Variants in PDE4D observed in about 807,000 individuals in gnomAD.
PDE4D encodes the protein phosphodiesterase 4D, also known as 3',5'-cyclic-AMP phosphodiesterase 4D.
A neutral mutation model predicts 87.4 loss-of-function variants in PDE4D; 24 were observed. That is an observed-to-expected ratio of 0.27 (90% CI 0.20 to 0.39). The LOEUF is 0.39. PDE4D is among the 10% of genes least tolerant of loss of function. The pLI, the probability that PDE4D is intolerant of heterozygous loss-of-function variation, is 1.00. For missense variants in PDE4D, 714 were observed against 1,041.0 expected, an observed-to-expected ratio of 0.69 and a Z score of 4.32; for synonymous variants, 384 against 383.2, an observed-to-expected ratio of 1.00 and a Z score of -0.02.
intron 1 of PDE4D, among the ~76,000 whole-genome samples, chr5:60,444,622 G>T (rs1173727921): frequency 2.0e-5 from 3 of 152,046 alleles, no homozygotes; most frequent in Non-Finnish European, 2.9e-5. Flanking sequence ...GATGGGCGAG[G>T]TATGTGTGGG....
chr5:59,360,784 G>A (rs1782084621), intron 1 of PDE4D, among the ~76,000 whole-genome samples: 1 of 151,990 alleles, frequency 6.6e-6, no homozygotes, highest in African/African-American at 2.4e-5. Flanking sequence ...TTAAGACTTG[G>A]CAACAGTAAA....
intron 1 of PDE4D, among the ~76,000 whole-genome samples, chr5:59,327,993 A>G (rs772838134): frequency 6.6e-6 from 1 of 152,232 alleles, no homozygotes; most frequent in African/African-American, 2.4e-5. Context: ...TGTATTTTAT[A>G]CAAAATTATC....
At chr5:59,253,948 C>G (rs1760474079) in intron 1 of PDE4D, among the ~76,000 whole-genome samples, 1 of 152,068 alleles carries the variant, frequency 6.6e-6, no homozygotes, top group African/African-American at 2.4e-5. Context: ...TCTTTCCTAT[C>G]ATTTAATAAG....
At chr5:58,992,979 G>A (rs549269516) in intron 7 of PDE4D, among the ~76,000 whole-genome samples, 20 of 152,102 alleles carry the variant, frequency 1.3e-4, no homozygotes, top group Admixed American at 2.0e-4. Context: ...TACACAAGAC[G>A]GTAAATTCAT....
intron 3 of PDE4D, among the ~76,000 whole-genome samples, chr5:59,945,979 C>G (rs1028834472): frequency 6.6e-6 from 1 of 152,180 alleles, no homozygotes; most frequent in Non-Finnish European, 1.5e-5. Context: ...ACCACCTAAT[C>G]ACTATAGAAT....
Position 59,348,338 on chromosome 5 carries a change from T to C in PDE4D, c.456-132370A>G, listed in dbSNP as rs2153585327. Among the ~76,000 whole-genome samples, 3 of 152,278 alleles carry C rather than the reference T, an allele frequency of 2.0e-5. 1 individual carries two copies. In the South Asian group the frequency reaches 6.2e-4, roughly 32 times the overall value. On this transcript the variant is annotated intron_variant, in intron 1 of 14. Transcript: ENST00000340635. ...CACTGTATAGAGTACTATGTCTATG[T>C]ATCTCTTGCCAACTCCACATTTAGT...
At chr5:59,128,093 A>G (rs7707404) in intron 5 of PDE4D, among the ~76,000 whole-genome samples, 1,614 of 146,630 alleles carry the variant, frequency 0.011, 25 homozygotes, top group African/African-American at 0.038. Flanking sequence ...GCTGCTTCTG[A>G]TTATTCTTCA....
intron 1 of PDE4D, among the ~76,000 whole-genome samples, chr5:59,502,663 A>AGTGTGTGTGTGT (rs56100725): frequency 6.7e-5 from 9 of 135,174 alleles, no homozygotes; most frequent in Non-Finnish European, 7.9e-5. Context: ...TCCTTAAGGT[A>AGTGTGTGTGTGT]GTGTGTGTGT....
intron 1 of PDE4D, among the ~76,000 whole-genome samples, chr5:59,450,817 G>A (rs1175327913): frequency 6.6e-6 from 1 of 152,042 alleles, no homozygotes; most frequent in East Asian, 1.9e-4. Flanking sequence ...TTCCACCTGT[G>A]CTTTGGTTCT....
chr5:59,178,565 G>C (rs1296195695), intron 5 of PDE4D, among the ~76,000 whole-genome samples: 1 of 152,068 alleles, frequency 6.6e-6, no homozygotes, highest in Non-Finnish European at 1.5e-5. Flanking sequence ...TGTGCCCTTT[G>C]AGTGTAGCTA....
At chr5:59,011,432 A>G (rs900300516) in intron 6 of PDE4D, among the ~76,000 whole-genome samples, 5 of 152,248 alleles carry the variant, frequency 3.3e-5, no homozygotes, top group Non-Finnish European at 5.9e-5. Context: ...TAGAATAACC[A>G]GCATAGAGAA....
intron 5 of PDE4D, among the ~76,000 whole-genome samples, chr5:59,134,766 A>T (rs34235034): frequency 0.16 from 24,229 of 152,134 alleles, 2,040 homozygotes; most frequent in African/African-American, 0.19. Flanking sequence ...ACCCTTTCTC[A>T]TAGTGAGGGT....
At chr5:59,036,846 A>C (rs945750587) in intron 6 of PDE4D, among the ~76,000 whole-genome samples, 1 of 152,144 alleles carries the variant, frequency 6.6e-6, no homozygotes, top group Non-Finnish European at 1.5e-5. Flanking sequence ...AAAATATCCT[A>C]ATTTTTCAGC....
intron 1 of PDE4D, among the ~76,000 whole-genome samples, chr5:59,445,249 A>G (rs1337455061): frequency 1.3e-5 from 2 of 152,214 alleles, no homozygotes; most frequent in African/African-American, 4.8e-5. Context: ...CTATATTTAA[A>G]TCAAGATAAA....
intron 1 of PDE4D, among the ~76,000 whole-genome samples, chr5:60,320,949 T>A (rs1756199128): frequency 6.6e-6 from 1 of 152,154 alleles, no homozygotes; most frequent in South Asian, 2.1e-4. Context: ...GTAGGAAGAA[T>A]CAATGTTGTT....
At chr5:60,457,077 G>A (rs970360656) in intron 1 of PDE4D, among the ~76,000 whole-genome samples, 1 of 152,144 alleles carries the variant, frequency 6.6e-6, no homozygotes, top group African/African-American at 2.4e-5. Context: ...AAGCTCCTTG[G>A]AACACTTCGA....
Position 58,991,040 on chromosome 5 carries a change from G to T in PDE4D, c.1189-138C>A, listed in dbSNP as rs1973450. On this transcript the variant is annotated intron_variant, in intron 8 of 14. Transcript: ENST00000340635. ...TCAAGCCTGTAATCCCAGAACTTTG[G>T]GAGGCTGAGGCGGGCAGATCACTTG... is the stretch of plus-strand genomic sequence containing the variant. 481,818 of 580,206 alleles carry T rather than the reference G, an allele frequency of 0.83. 200,587 individuals carry two copies. Among genetic ancestry groups the T allele is most frequent in the Admixed American group, 0.89 (29,257 of 32,828 alleles). The allele number at this position is 580,206 out of a possible 1,614,324, so 35.9% of individuals were successfully genotyped here. A position where few individuals can be genotyped will look rare whatever the true frequency, so the allele number is the denominator to read the frequency against.
intron 1 of PDE4D, among the ~76,000 whole-genome samples, chr5:60,476,595 G>A (rs967696038): frequency 3.3e-5 from 5 of 152,178 alleles, no homozygotes; most frequent in Non-Finnish European, 5.9e-5. Flanking sequence ...AAGGCCTTGC[G>A]TGATCTGGTC....
rs550215455 is a variant in PDE4D at position 60,389,501 on chromosome 5, C to T, written c.-90+98441G>A. Among the ~76,000 whole-genome samples the T allele has an allele frequency of 3.9e-5, 6 of 152,268 alleles. 1 individual carries two copies. The East Asian group carries it at 1.2e-3, about 29-fold the overall frequency. ...AAATGCACCCTGTTACAATCGTTCA[C>T]ATATAACAAGCTACCTTAAAACTTA... On this transcript the variant is annotated intron_variant, in intron 1 of 16. Coordinates refer to the PDE4D transcript ENST00000502484.
Sources: gnomAD v4.1 joint callset for allele counts (sites outside exome capture counted in the v4.1 genomes callset) on GRCh38, gnomAD v4.1.1 for gene constraint, MANE v1.5 for transcripts, NCBI Gene and HGNC (gene_info 2026-07-23, HGNC 2026-07-21) for gene names.